The following KRT10 variants were observed in gnomAD, a reference collection of about 807,000 sequenced individuals.
KRT10 encodes keratin 10, also known as keratin, type I cytoskeletal 10.
KRT10 carries 40 observed loss-of-function variants against 59.2 expected under a neutral mutation model. That is an observed-to-expected ratio of 0.68 (90% CI 0.52 to 0.88). KRT10 has a LOEUF of 0.88. KRT10 is among the 40% of genes least tolerant of loss of function. KRT10 has a pLI of 0.00. For missense variants in KRT10, 719 were observed against 749.1 expected (o/e 0.96, Z 0.47); for synonymous variants, 336 against 310.7 (o/e 1.08, Z -0.86).
chr17:40,819,139 C>T lies in KRT10; in HGVS notation c.1396G>A (p.Gly466Ser). ...CCGTAGCCGCCGCCGAAACTTCCGC[C>T]GCCGCGTCCGCCGCCTCCGGAACTA... ...EGSSGGGGRG[G>S]GSFGGGYGGG... is the part of the protein sequence containing the mutation. Residue 466 changes from glycine to serine, a missense_variant, in exon 7 of 8, where the codon GGC becomes AGC. Gly to Ser is a moderately conservative substitution (Grantham distance 56). Around this residue, in one of 4 missense-constraint regions of KRT10, gnomAD observed 315 missense variants for 270.6 expected, o/e 1.16. Transcript: ENST00000269576. 1.3e-6 allele frequency: 2 copies of T among 1,539,044 alleles called. No individual in the cohort carries two copies. Among genetic ancestry groups the T allele is most frequent in the South Asian group, 1.2e-5 (1 of 84,290 alleles).
At chr17:40,819,213 G>A in intron 6 of KRT10, 52 bp from the exon 7 acceptor site, 2 of 1,593,422 alleles carry the variant, frequency 1.3e-6, no homozygotes, top group East Asian at 2.2e-5. Context: ...AAAACGGTGG[G>A]TAGCTTTCCA....
Position 40,820,048 on chromosome 17 carries a change from C to A in KRT10, c.1155+1G>T, listed in dbSNP as rs112752242. 1 of 1,612,556 alleles carries A rather than the reference C, an allele frequency of 6.2e-7. No individual in the cohort carries two copies. The highest frequency in any genetic ancestry group is 8.5e-7 in the Non-Finnish European group (1 of 1,179,972). On this transcript the variant is annotated splice_donor_variant, in intron 5 of 7. Coordinates refer to ENST00000269576, the MANE Select transcript of KRT10 (RefSeq NM_000421.5). LOFTEE classifies it high-confidence loss of function. ...AAGTCATTTCATGAGAGTTAACATA[C>A]CAAGGCCAGTTGGGACTGTAGTTCT... is the stretch of plus-strand genomic sequence containing the variant.
In KRT10 at chr17:40,822,548, G is replaced by A. The variant is rs1362444242; in HGVS notation, c.38C>T (p.Ser13Phe). 1.2e-6 allele frequency: 2 copies of A among 1,605,914 alleles called. No individual in the cohort carries two copies. Among genetic ancestry groups the A allele is most frequent in the Non-Finnish European group, 1.7e-6 (2 of 1,179,970 alleles). Residue 13 changes from serine to phenylalanine, a missense_variant, in exon 1 of 8, where the codon TCC (serine) becomes TTC (phenylalanine). Transcript: ENST00000269576. ...VRYSSSKHYSSSRSGGGGGGG... is the reference protein window; with the variant it reads ...VRYSSSKHYSFSRSGGGGGGG... ...TCCTCCTCCTCCTCCACTGCGGGAGGAAGAGTAGTGCTTGCTTGAGCTGTA... is the reference window on the plus strand; with the variant it reads ...TCCTCCTCCTCCTCCACTGCGGGAGAAAGAGTAGTGCTTGCTTGAGCTGTA...
chr17:40,818,740 C>A (rs1371424598), intron 7 of KRT10, 47 bp downstream of exon 7: 2 of 1,587,560 alleles, frequency 1.3e-6, no homozygotes, highest in East Asian at 4.6e-5. Flanking sequence ...AAAACCATCA[C>A]AGGAAGTTAA....
rs764984381 is a variant in KRT10, at chr17:40,822,425, C to T, written c.161G>A (p.Gly54Asp). 6.2e-7 allele frequency: 1 copy of T among 1,613,912 alleles called. No individual in the cohort carries two copies. Among genetic ancestry groups the T allele is most frequent in the East Asian group, 2.2e-5 (1 of 44,888 alleles). ...GGGFSSGGFS[G>D]GSFSRGSSGG... is the part of the protein sequence containing the mutation. Reference sequence around the variant, plus strand: ...AGAGCTCCCACGGCTAAAAGAGCCACCACTGAACCCCCCTGAGCTAAATCC... The same window carrying T: ...AGAGCTCCCACGGCTAAAAGAGCCATCACTGAACCCCCCTGAGCTAAATCC... Residue 54 changes from glycine to aspartate, a missense_variant, in exon 1 of 8, where the codon GGT (glycine) becomes GAT (aspartate). Coordinates refer to ENST00000269576, the MANE Select transcript of KRT10 (RefSeq NM_000421.5).
rs768003171 is a variant in KRT10 at position 40,818,913 on chromosome 17, C to A, written c.1622G>T (p.Gly541Val). The change falls in exon 7 of 8, where the codon GGC (glycine) becomes GTC (valine). Residue 541 changes from glycine to valine, a missense_variant. This residue lies in a region of KRT10 where 315 missense variants were observed against 270.6 expected (regional missense o/e 1.16). Transcript: ENST00000269576. Reference protein sequence around the residue: ...GGGSSGGGGGGYGGGSSGGGS... With the variant: ...GGGSSGGGGGVYGGGSSGGGS... ...GCCGCCGGAGCTGCCGCCCCCGTAG[C>A]CGCCGCCGCCGCCGCCGGAACTGCC... The A allele has an allele frequency of 3.1e-5, 38 of 1,216,938 alleles. No individual in the cohort carries two copies. Among genetic ancestry groups the A allele is most frequent in the Non-Finnish European group, 4.1e-5 (38 of 932,384 alleles). The allele number at this position is 1,216,938 out of a possible 1,614,324, so 75.4% of individuals were successfully genotyped here. A position where few individuals can be genotyped will look rare whatever the true frequency, so the allele number is the denominator to read the frequency against.
In KRT10 at chr17:40,818,963, G is replaced by T. The variant is rs1437564799; in HGVS notation, c.1572C>A (p.Gly524=). 1 of 1,362,026 alleles carries T rather than the reference G, an allele frequency of 7.3e-7. No individual in the cohort carries two copies. Among genetic ancestry groups the T allele is most frequent in the Admixed American group, 2.8e-5 (1 of 35,640 alleles). The allele number at this position is 1,362,026 out of a possible 1,614,324, so 84.4% of individuals were successfully genotyped here. A position where few individuals can be genotyped will look rare whatever the true frequency, so the allele number is the denominator to read the frequency against. Residue 524 remains glycine (G), a synonymous_variant, in exon 7 of 8, where the codon GGC becomes GGA. Transcript: ENST00000269576. Reference sequence around the variant, plus strand: ...CACCACCGTAGCCGCCGCTGGAACTGCCGCCGTGGCCGCCGCTGGAGCTTC... The same window carrying T: ...CACCACCGTAGCCGCCGCTGGAACTTCCGCCGTGGCCGCCGCTGGAGCTTC... ...GGGSSSGGHG[G]SSSGGYGGGS...
In KRT10 at chr17:40,819,170, G is replaced by C. The variant is rs760787128; in HGVS notation, c.1374-9C>G. Reference sequence around the variant, plus strand: ...GTCCGCCGCCTCCGGAACTAAACGGGGTGAGGTCACATTCGGTTATCTCTA... The same window carrying C: ...GTCCGCCGCCTCCGGAACTAAACGGCGTGAGGTCACATTCGGTTATCTCTA... On this transcript the variant is annotated splice_polypyrimidine_tract_variant and intron_variant, in intron 6 of 7. Transcript: ENST00000269576. The C allele has an allele frequency of 1.9e-6, 3 of 1,588,066 alleles. No homozygotes were observed. The highest frequency in any genetic ancestry group is 1.7e-6 in the Non-Finnish European group (2 of 1,175,636).
intron 3 of KRT10, 34 bp downstream of exon 3, chr17:40,820,477 C>CT (rs1567709883): frequency 2.5e-6 from 4 of 1,614,198 alleles, no homozygotes; most frequent in East Asian, 2.2e-5. Context: ...AATGAACTCT[C>CT]TTTTGGCTGG....
At chr17:40,818,574 T>A in intron 7 of KRT10, 92 bp from the exon 8 acceptor site, 1 of 1,252,892 alleles carries the variant, frequency 8.0e-7, no homozygotes, top group Non-Finnish European at 1.2e-6. Flanking sequence ...AAATTTCAAC[T>A]TTACATTGTT....
At chr17:40,820,895 A>T in intron 2 of KRT10, 140 bp downstream of exon 2, 1 of 894,610 alleles carries the variant, frequency 1.1e-6, no homozygotes, top group Non-Finnish European at 1.8e-6. Context: ...GACATGGAAA[A>T]TTTCTCAGAT....
At position 40,818,831 on chromosome 17, in the gene KRT10, G is replaced by A. The variant is rs779021500; in HGVS notation, c.1704C>T (p.Ser568=). The change falls in exon 7 of 8, where the codon TCC becomes TCT. Residue 568 remains serine, a synonymous_variant. Coordinates refer to ENST00000269576, the MANE Select transcript of KRT10 (RefSeq NM_000421.5). ...GGGSSSGGHK[S]SSSGSVGESS... is the part of the protein sequence containing the mutation. The stretch of plus-strand genomic sequence containing the variant: ...ACTCGCCCACGGACCCGGAAGAGGA[G>A]GACTTGTGGCCTCCGCTGGAGCTGC... 1 of 1,597,066 alleles carries A rather than the reference G, an allele frequency of 6.3e-7. No homozygotes were observed. Among genetic ancestry groups the A allele is most frequent in the Non-Finnish European group, 8.5e-7 (1 of 1,179,038 alleles).
chr17:40,819,055 T>G lies in KRT10; in HGVS notation c.1480A>C (p.Ser494Arg), dbSNP rs1567707137. ...GGGHGGGHGGSSGGGYGGGSS... is the reference protein window; with the variant it reads ...GGGHGGGHGGRSGGGYGGGSS... ...CCGCCTCCGTAGCCGCCGCCGGAACTGCCGCCGTGGCCGCCGCCGTGGCCG... is the reference window on the plus strand; with the variant it reads ...CCGCCTCCGTAGCCGCCGCCGGAACGGCCGCCGTGGCCGCCGCCGTGGCCG... Residue 494 changes from serine (S) to arginine (R), a missense_variant, in exon 7 of 8, where the codon AGT becomes CGT. Physicochemically the swap from Ser to Arg is moderately radical, Grantham distance 110. Around this residue, in one of 4 missense-constraint regions of KRT10, gnomAD observed 315 missense variants for 270.6 expected, o/e 1.16. Coordinates refer to ENST00000269576, the MANE Select transcript of KRT10 (RefSeq NM_000421.5). 3 of 1,373,634 alleles carry G rather than the reference T, an allele frequency of 2.2e-6. No individual in the cohort carries two copies. Among genetic ancestry groups the G allele is most frequent in the Non-Finnish European group, 2.8e-6 (3 of 1,059,786 alleles). 85.1% of individuals were successfully genotyped at this position (1,373,634 alleles called of 1,614,324 possible). A position where few individuals can be genotyped will look rare whatever the true frequency, so the allele number is the denominator to read the frequency against.
chr17:40,821,124 G>T lies in KRT10; in HGVS notation c.628-7C>A, dbSNP rs1420556376. 1 of 1,606,086 alleles carries T rather than the reference G, an allele frequency of 6.2e-7. No individual in the cohort carries two copies. ...CAGTTGTTAGGTTGAGAATCTGGAG[G>T]GAGAGGCACAGTTATTTGAGAAGAG... On this transcript the variant is annotated splice_polypyrimidine_tract_variant and splice_region_variant and intron_variant, in intron 1 of 7. Transcript: ENST00000269576.
intron 1 of KRT10, 101 bp downstream of exon 1, chr17:40,821,857 TG>T: frequency 8.2e-7 from 1 of 1,215,986 alleles, no homozygotes; most frequent in East Asian, 2.4e-5. Context: ...GAAAGTAACA[TG>T]GGTAAGCATA....
In KRT10 at chr17:40,821,952, C is replaced by T. The variant is rs781123125; in HGVS notation, c.627+7G>A. The T allele has an allele frequency of 1.2e-6, 2 of 1,613,714 alleles. No individual in the cohort carries two copies. The highest frequency in any genetic ancestry group is 2.2e-5 in the South Asian group (2 of 91,062). ...TACTTAAAGCTGGATTTAAAAATAC[C>T]TCTTACCTGATTTTTAAGGTCATCG... is the stretch of plus-strand genomic sequence containing the variant. On this transcript the variant is annotated splice_region_variant and intron_variant, in intron 1 of 7. Transcript: ENST00000269576.
Position 40,820,581 on chromosome 17 carries a change from T to G in KRT10, c.797A>C (p.Lys266Thr). 6.2e-7 allele frequency: 1 copy of G among 1,614,182 alleles called. No homozygotes were observed. The highest frequency in any genetic ancestry group is 8.5e-7 in the Non-Finnish European group (1 of 1,180,026). Reference sequence around the variant, plus strand: ...CTCAATTTGCATCTCCAGGTCAGCCTTGGTCAGGGTCAGCTCATCCAGCAC... The same window carrying G: ...CTCAATTTGCATCTCCAGGTCAGCCGTGGTCAGGGTCAGCTCATCCAGCAC... ...RRVLDELTLT[K>T]ADLEMQIESL... is the part of the protein sequence containing the mutation. The change falls in exon 3 of 8, where the codon AAG becomes ACG. Residue 266 changes from lysine to threonine, a missense_variant. Lys to Thr is a moderately conservative substitution (Grantham distance 78). Coordinates refer to ENST00000269576, the MANE Select transcript of KRT10 (RefSeq NM_000421.5).
chr17:40,820,768 A>G, intron 2 of KRT10, 101 bp from the exon 3 acceptor site: 1 of 1,284,204 alleles, frequency 7.8e-7, no homozygotes, highest in Admixed American at 1.9e-5. Flanking sequence ...ATCTCATGTA[A>G]TGGCAATATT....
Position 40,818,820 on chromosome 17 carries a change from C to G in KRT10, c.1715G>C (p.Gly572Ala). 7.1e-7 allele frequency: 1 copy of G among 1,405,106 alleles called. No individual in the cohort carries two copies. The highest frequency in any genetic ancestry group is 9.6e-7 in the Non-Finnish European group (1 of 1,042,024). The allele number at this position is 1,405,106 out of a possible 1,614,324, so 87.0% of individuals were successfully genotyped here. A position where few individuals can be genotyped will look rare whatever the true frequency, so the allele number is the denominator to read the frequency against. Residue 572 changes from glycine (G) to alanine (A), a missense_variant, in exon 7 of 8, where the codon GGG becomes GCG. By Grantham distance (60) the Gly-to-Ala change is moderately conservative. Coordinates refer to ENST00000269576, the MANE Select transcript of KRT10 (RefSeq NM_000421.5). ...CTTAGATGAAGACTCGCCCACGGAC[C>G]CGGAAGAGGAGGACTTGTGGCCTCC... The part of the protein sequence containing the change: ...SSGGHKSSSS[G>A]SVGESSSKGP...
Sources: allele counts gnomAD v4.1 joint callset, GRCh38; gene constraint gnomAD v4.1.1; regional missense constraint gnomAD v4.1.1; transcripts MANE v1.5; gene names NCBI Gene and HGNC (gene_info 2026-07-23, HGNC 2026-07-21).